Variants in PTPRD observed in about 807,000 individuals in gnomAD.
PTPRD encodes the protein receptor-type tyrosine-protein phosphatase delta.
A neutral mutation model predicts 214.5 loss-of-function variants in PTPRD; 34 were observed. The observed-to-expected ratio is 0.16, with a 90% CI of 0.12 to 0.21. PTPRD has a LOEUF of 0.21. PTPRD is among the 10% of genes least tolerant of loss of function. The probability of loss-of-function intolerance (pLI) is 1.00; values close to 1 mark genes in which losing one functional copy is unlikely to be tolerated. For synonymous variants in PTPRD, 1,128 were observed against 845.7 expected (o/e 1.33, Z -5.79); for missense variants, 2,545 against 2,398.7 (o/e 1.06, Z -1.27).
At chr9:8,881,060 C>A (rs1015375211) in intron 11 of PTPRD, among the ~76,000 whole-genome samples, 31 of 152,182 alleles carry the variant, frequency 2.0e-4, no homozygotes, top group Non-Finnish European at 4.3e-4. Flanking sequence ...AGCCACCGTA[C>A]CTGGCCTCAA....
At chr9:8,355,146 T>C (rs973214057) in intron 39 of PTPRD, among the ~76,000 whole-genome samples, 3 of 152,078 alleles carry the variant, frequency 2.0e-5, no homozygotes, top group Admixed American at 1.3e-4. Flanking sequence ...ATGAGGGATA[T>C]TGAGTTTACA....
intron 41 of PTPRD, 151 bp downstream of exon 41, chr9:8,340,939 A>C: frequency 3.9e-6 from 3 of 778,722 alleles, no homozygotes; most frequent in Non-Finnish European, 5.7e-6. Flanking sequence ...CTCCTATCCA[A>C]AATAACAAAA....
At chr9:8,621,925 C>G (rs1233946654) in intron 14 of PTPRD, among the ~76,000 whole-genome samples, 1 of 151,780 alleles carries the variant, frequency 6.6e-6, no homozygotes, top group African/African-American at 2.4e-5. Flanking sequence ...TGCTAATGGC[C>G]TTTCCTCAAG....
At chr9:9,463,226 A>G (rs2093825414) in intron 8 of PTPRD, among the ~76,000 whole-genome samples, 1 of 152,208 alleles carries the variant, frequency 6.6e-6, no homozygotes, top group Non-Finnish European at 1.5e-5. Context: ...ATTTGCTTTA[A>G]GAATCAGGCA....
At chr9:8,401,869 C>T (rs973080627) in intron 36 of PTPRD, among the ~76,000 whole-genome samples, 1 of 152,054 alleles carries the variant, frequency 6.6e-6, no homozygotes, top group Non-Finnish European at 1.5e-5. Flanking sequence ...ACCAAAGTCA[C>T]TTAAGTTAGT....
intron 8 of PTPRD, among the ~76,000 whole-genome samples, chr9:9,532,847 T>C (rs1395180841): frequency 6.6e-6 from 1 of 152,196 alleles, no homozygotes; most frequent in Non-Finnish European, 1.5e-5. Flanking sequence ...CATAATAACA[T>C]GGCACAGTTT....
chr9:10,466,757 A>T (rs770349789), intron 2 of PTPRD, among the ~76,000 whole-genome samples: 2 of 152,190 alleles, frequency 1.3e-5, no homozygotes, highest in Non-Finnish European at 2.9e-5. Context: ...AGTTTAAAAA[A>T]TGGTAAAGTA....
intron 8 of PTPRD, among the ~76,000 whole-genome samples, chr9:9,572,559 ATGTATATATATATATATATATG>A (rs1279145122): frequency 3.4e-4 from 39 of 115,700 alleles, no homozygotes; most frequent in Non-Finnish European, 6.3e-4. Context: ...GCATATATAT[ATGTATATATATATATATATATG>A]TGTATATATA....
chr9:8,354,422 T>G (rs1435321790), intron 39 of PTPRD, among the ~76,000 whole-genome samples: 2 of 152,122 alleles, frequency 1.3e-5, no homozygotes, highest in African/African-American at 4.8e-5. Flanking sequence ...TACGAAAAAT[T>G]TAAATAATAG....
At chr9:8,326,210 C>T (rs1833569681) in intron 44 of PTPRD, among the ~76,000 whole-genome samples, 1 of 152,202 alleles carries the variant, frequency 6.6e-6, no homozygotes, top group Non-Finnish European at 1.5e-5. Flanking sequence ...GTGCGTTTGT[C>T]ATAAATAGCT....
At chr9:8,581,173 T>TAG (rs2093040657) in intron 14 of PTPRD, among the ~76,000 whole-genome samples, 1 of 151,962 alleles carries the variant, frequency 6.6e-6, no homozygotes. Flanking sequence ...TAAGATGCTG[T>TAG]AGATGCCTTA....
intron 2 of PTPRD, among the ~76,000 whole-genome samples, chr9:10,470,005 G>C (rs2099019827): frequency 6.6e-6 from 1 of 152,028 alleles, no homozygotes; most frequent in Middle Eastern, 3.4e-3. Context: ...GGCTGGGTAG[G>C]GTATTTGGGA....
chr9:9,606,903 T>G (rs1246503761), intron 7 of PTPRD, among the ~76,000 whole-genome samples: 1 of 128,818 alleles, frequency 7.8e-6, no homozygotes, highest in East Asian at 2.4e-4. Context: ...GCCTAACAAT[T>G]AAGGCAGACA....
chr9:8,736,810 A>T (rs1461275628), intron 11 of PTPRD, among the ~76,000 whole-genome samples: 6 of 152,166 alleles, frequency 3.9e-5, no homozygotes, highest in Non-Finnish European at 8.8e-5. Flanking sequence ...ATTGTTATCA[A>T]TCGCCTCTGA....
intron 7 of PTPRD, among the ~76,000 whole-genome samples, chr9:9,673,773 C>CA: frequency 6.7e-6 from 1 of 149,144 alleles, no homozygotes; most frequent in Non-Finnish European, 1.5e-5. Flanking sequence ...GGTAGAAATA[C>CA]AGAAACCCCA....
chr9:10,170,161 C>A (rs1285526068), intron 3 of PTPRD, among the ~76,000 whole-genome samples: 2 of 152,100 alleles, frequency 1.3e-5, no homozygotes, highest in Non-Finnish European at 2.9e-5. Flanking sequence ...CAGCACTGGA[C>A]AAAACTTCTG....
At chr9:9,792,981 G>C (rs16930336) in intron 5 of PTPRD, among the ~76,000 whole-genome samples, 1,908 of 152,134 alleles carry the variant, frequency 0.013, 48 homozygotes, top group African/African-American at 0.044. Flanking sequence ...ACACCTCTGA[G>C]AGCATATACC....
intron 11 of PTPRD, among the ~76,000 whole-genome samples, chr9:8,850,447 GAAGT>G (rs1434652860): frequency 1.3e-5 from 2 of 152,082 alleles, no homozygotes; most frequent in African/African-American, 4.8e-5. Flanking sequence ...GAATGTCAAA[GAAGT>G]AACTGACAAA....
rs2099624905 is a variant in PTPRD, at chr9:9,037,238, A to G, written c.-142-18503T>C. On this transcript the variant is annotated intron_variant, in intron 10 of 45. Coordinates refer to ENST00000381196, the MANE Select transcript of PTPRD (RefSeq NM_002839.4). The stretch of plus-strand genomic sequence containing the variant: ...AGAGATAATTTAGTCCAAATCCTCC[A>G]TTTTATGGTAGGGAAACTGAAGCTC... Among the ~76,000 whole-genome samples the G allele has an allele frequency of 2.0e-5, 3 of 152,124 alleles. No individual in the cohort carries two copies. The South Asian group carries it at 6.2e-4, about 31-fold the overall frequency.
Sources: gnomAD v4.1 joint callset for allele counts (sites outside exome capture counted in the v4.1 genomes callset) on GRCh38, gnomAD v4.1.1 for gene constraint, MANE v1.5 for transcripts, NCBI Gene and HGNC (gene_info 2026-07-23, HGNC 2026-07-21) for gene names.